The following XKR6 variants were observed in gnomAD, a reference collection of about 807,000 sequenced individuals.
XKR6 encodes the protein XK related 6.
Under a neutral mutation model 56.7 loss-of-function variants are expected in XKR6, and 22 were observed. That is an observed-to-expected ratio of 0.39 (90% CI 0.28 to 0.55). The LOEUF is 0.55. Among genes scored for constraint, XKR6 ranks in the 20% least tolerant of loss-of-function variants. The pLI, the probability that XKR6 is intolerant of heterozygous loss-of-function variation, is 0.66. For synonymous variants in XKR6, 524 were observed against 387.8 expected, an observed-to-expected ratio of 1.35 and a Z score of -4.13; for missense variants, 852 against 889.0, an observed-to-expected ratio of 0.96 and a Z score of 0.53.
Position 10,936,162 on chromosome 8 carries a change from C to G in XKR6, c.765-11332G>C, listed in dbSNP as rs978918705. On this transcript the variant is annotated intron_variant, in intron 1 of 2. Transcript: ENST00000416569. ...CCCTTTACCATTATGTAATGGCCTT[C>G]TTTGTCTCTTTTGATCTTTGTTGGT... 6.9e-3 allele frequency among the ~76,000 whole-genome samples: 1,027 copies of G among 149,268 alleles called. 21 individuals carry two copies. Among genetic ancestry groups the G allele is most frequent in the African/African-American group, 0.024 (983 of 40,978 alleles).
intron 1 of XKR6, among the ~76,000 whole-genome samples, chr8:11,082,757 C>G (rs1797765765): frequency 6.6e-6 from 1 of 152,216 alleles, no homozygotes. Context: ...AGCCTGGCCA[C>G]TGGGCTGGGC....
chr8:11,010,358 A>G (rs1300146544), intron 1 of XKR6, among the ~76,000 whole-genome samples: 1 of 152,164 alleles, frequency 6.6e-6, no homozygotes, highest in African/African-American at 2.4e-5. Flanking sequence ...AACCATACCA[A>G]TAATAATAGT....
At chr8:11,129,037 A>T (rs2116887065) in intron 1 of XKR6, 1 of 451,926 alleles carries the variant, frequency 2.2e-6, no homozygotes, top group Non-Finnish European at 4.5e-6. Flanking sequence ...AGTGAAATTA[A>T]GCACATCTTA....
chr8:11,097,613 G>C (rs1043428337), intron 1 of XKR6, among the ~76,000 whole-genome samples: 5 of 151,732 alleles, frequency 3.3e-5, no homozygotes, highest in Non-Finnish European at 7.4e-5. Context: ...TTCAAGACTA[G>C]CCTGGTCAAC....
At chr8:11,118,988 G>C (rs1342775914) in intron 1 of XKR6, among the ~76,000 whole-genome samples, 3 of 152,038 alleles carry the variant, frequency 2.0e-5, no homozygotes, top group Non-Finnish European at 4.4e-5. Flanking sequence ...GAATGTCTCT[G>C]AGAGATTCTG....
chr8:11,152,389 A>T (rs1009832322), intron 1 of XKR6, among the ~76,000 whole-genome samples: 3 of 152,236 alleles, frequency 2.0e-5, no homozygotes, highest in African/African-American at 7.2e-5. Context: ...ACGCATTTTT[A>T]AAGCTAAGCG....
chr8:10,931,427 A>G (rs1455737881), intron 1 of XKR6, among the ~76,000 whole-genome samples: 1 of 152,184 alleles, frequency 6.6e-6, no homozygotes, highest in Non-Finnish European at 1.5e-5. Context: ...AGACAAGCCA[A>G]TTCTAAAATT....
intron 1 of XKR6, among the ~76,000 whole-genome samples, chr8:11,184,932 A>G (rs1803190480): frequency 6.6e-6 from 1 of 152,198 alleles, no homozygotes; most frequent in Non-Finnish European, 1.5e-5. Context: ...ACATCCTCAA[A>G]TAACATCGTT....
intron 1 of XKR6, among the ~76,000 whole-genome samples, chr8:11,133,990 T>A (rs954477338): frequency 6.6e-6 from 1 of 152,172 alleles, no homozygotes; most frequent in Admixed American, 6.6e-5. Context: ...AATAGCCTCA[T>A]CCTGCAATTA....
intron 1 of XKR6, among the ~76,000 whole-genome samples, chr8:10,943,246 G>T (rs1206055656): frequency 1.3e-5 from 2 of 152,194 alleles, no homozygotes; most frequent in Non-Finnish European, 2.9e-5. Flanking sequence ...ACAGGACAGG[G>T]TACAGCCTGT....
intron 1 of XKR6, among the ~76,000 whole-genome samples, chr8:11,174,385 T>C (rs887891002): frequency 6.6e-6 from 1 of 152,198 alleles, no homozygotes; most frequent in South Asian, 2.1e-4. Context: ...CTCAACAGAA[T>C]GTACTTGTGC....
At chr8:11,120,742 A>C (rs1380859821) in intron 1 of XKR6, among the ~76,000 whole-genome samples, 5 of 152,188 alleles carry the variant, frequency 3.3e-5, no homozygotes, top group Non-Finnish European at 5.9e-5. Flanking sequence ...AATCCTAAGC[A>C]AAAAGAACAA....
At chr8:11,187,570 T>C (rs549211746) in intron 1 of XKR6, among the ~76,000 whole-genome samples, 3 of 152,146 alleles carry the variant, frequency 2.0e-5, no homozygotes, top group Non-Finnish European at 4.4e-5. Context: ...TTTGAAGCTA[T>C]TGAGGGCCAA....
At chr8:11,068,564 G>A (rs1395677103) in intron 1 of XKR6, among the ~76,000 whole-genome samples, 1 of 152,118 alleles carries the variant, frequency 6.6e-6, no homozygotes, top group African/African-American at 2.4e-5. Flanking sequence ...TGTCTCTTCT[G>A]CAGAAAGCTA....
intron 2 of XKR6, among the ~76,000 whole-genome samples, chr8:10,901,091 T>C (rs890268174): frequency 7.3e-5 from 11 of 149,920 alleles, no homozygotes; most frequent in Admixed American, 2.0e-4. Context: ...AGTCCCACTC[T>C]GTCACCCAGG....
At chr8:11,130,316 T>A (rs1424982846) in intron 1 of XKR6, among the ~76,000 whole-genome samples, 2 of 152,150 alleles carry the variant, frequency 1.3e-5, no homozygotes, top group African/African-American at 4.8e-5. Context: ...GGTCAAGATC[T>A]AAGTTCGGGA....
intron 1 of XKR6, among the ~76,000 whole-genome samples, chr8:11,177,783 C>A (rs559494608): frequency 9.2e-5 from 14 of 152,330 alleles, no homozygotes; most frequent in African/African-American, 3.1e-4. Context: ...GGGAGCAGTG[C>A]CCTGCTCACG....
chr8:10,917,614 T>G (rs1007288069), intron 2 of XKR6, among the ~76,000 whole-genome samples: 4 of 152,168 alleles, frequency 2.6e-5, no homozygotes, highest in African/African-American at 9.7e-5. Flanking sequence ...TCTTGCCCCC[T>G]GCTGAGTTAG....
In XKR6 at chr8:11,200,671, C is replaced by A; in HGVS notation, c.669G>T (p.Arg223Ser). Residue 223 changes from arginine (R) to serine (S), a missense_variant, in exon 1 of 3, where the codon AGG becomes AGT. By Grantham distance (110) the Arg-to-Ser change is moderately radical (BLOSUM62 -1). This residue lies in a region of XKR6 where 417 missense variants were observed against 355.2 expected (regional missense o/e 1.17). Coordinates refer to ENST00000416569, the MANE Select transcript of XKR6 (RefSeq NM_173683.4). This position sits in a 1 kb window ranked among gnomAD's most constrained non-coding sequence, Gnocchi z 6.4. Reference protein sequence around the residue: ...HGAARGGPGVRVSPTPGAQRL... With the variant: ...HGAARGGPGVSVSPTPGAQRL... ...GCTGCGCCCCCGGCGTGGGGGAGAC[C>A]CTCACGCCTGGGCCACCGCGGGCCG... is the stretch of plus-strand genomic sequence containing the variant. 3 of 1,564,452 alleles carry A rather than the reference C, an allele frequency of 1.9e-6. No homozygotes were observed. Among genetic ancestry groups the A allele is most frequent in the Non-Finnish European group, 1.7e-6 (2 of 1,165,090 alleles).
Sources: allele counts gnomAD v4.1 joint callset (sites outside exome capture counted in the v4.1 genomes callset), GRCh38; gene constraint gnomAD v4.1.1; regional missense constraint gnomAD v4.1.1; non-coding constraint Gnocchi (gnomAD v3.1); transcripts MANE v1.5; gene names NCBI Gene and HGNC (gene_info 2026-07-23, HGNC 2026-07-21).